BLK: variants seen among roughly 807,000 people sequenced by gnomAD.
BLK encodes the protein BLK proto-oncogene, Src family tyrosine kinase.
BLK carries 64 observed loss-of-function variants against 61.8 expected under a neutral mutation model. That is an observed-to-expected ratio of 1.03 (90% confidence interval 0.85 to 1.27). The LOEUF (loss-of-function observed/expected upper bound fraction) is 1.27. BLK is among the 50% of genes most tolerant of loss of function. The pLI is 0.00. For missense variants in BLK, 853 were observed against 660.5 expected (o/e 1.29, Z -3.19); for synonymous variants, 351 against 272.0 (o/e 1.29, Z -2.86).
intron 1 of BLK, among the ~76,000 whole-genome samples, chr8:11,517,074 C>T (rs1799259515): frequency 6.6e-6 from 1 of 152,140 alleles, no homozygotes; most frequent in African/African-American, 2.4e-5. Context: ...TGTGATGGGA[C>T]CTAACATTTT....
chr8:11,497,202 C>G lies in BLK; in HGVS notation c.-2+2611C>G, dbSNP rs575209837. Among the ~76,000 whole-genome samples the G allele has an allele frequency of 1.5e-4, 23 of 152,286 alleles. No individual in the cohort carries two copies. In the South Asian group the frequency reaches 4.6e-3, roughly 30 times the overall value. On this transcript the variant is annotated intron_variant, in intron 1 of 12. Coordinates refer to ENST00000259089, the MANE Select transcript of BLK (RefSeq NM_001715.3). ...AACATACTGAGATGGAAATCAATCA[C>G]AAAACTCTTACAGGAAAATCACAGC...
At chr8:11,551,519 G>A (rs898306843) in intron 6 of BLK, among the ~76,000 whole-genome samples, 1 of 152,174 alleles carries the variant, frequency 6.6e-6, no homozygotes, top group Non-Finnish European at 1.5e-5. Flanking sequence ...TCAGGACCGA[G>A]GGTTAGGACT....
rs150433754 is a variant in BLK, at chr8:11,557,466, C to G, written c.953-496C>G. Among the ~76,000 whole-genome samples, 388 of 152,332 alleles carry G rather than the reference C, an allele frequency of 2.5e-3. 2 individuals carry two copies. The highest frequency in any genetic ancestry group is 4.1e-3 in the Non-Finnish European group (282 of 68,024). On this transcript the variant is annotated intron_variant, in intron 9 of 12. Transcript: ENST00000259089. The stretch of plus-strand genomic sequence containing the variant: ...GCCTGCCCCTAGGGCAAGCATCCAT[C>G]CCTCCCAGCTTTCTGATTCCAGGGG...
chr8:11,499,262 C>A (rs1037054308), intron 1 of BLK, among the ~76,000 whole-genome samples: 2 of 152,190 alleles, frequency 1.3e-5, no homozygotes, highest in African/African-American at 2.4e-5. Context: ...TAGAAGCAAC[C>A]GGCTATGCCA....
rs1798820784 is a variant in BLK at position 11,507,473 on chromosome 8, A to G, written c.-2+12882A>G. Among the ~76,000 whole-genome samples the G allele has an allele frequency of 2.0e-5, 3 of 152,206 alleles. No individual in the cohort carries two copies. The South Asian group carries it at 6.2e-4, about 32-fold the overall frequency. On this transcript the variant is annotated intron_variant, in intron 1 of 12. Transcript: ENST00000259089. The stretch of plus-strand genomic sequence containing the variant: ...ATGACCACCCCAACTGCAGGGGAAG[A>G]CACCACCCACCCTGAGGGCTTTTGG...
At chr8:11,531,555 G>A (rs74317011) in intron 1 of BLK, among the ~76,000 whole-genome samples, 3,317 of 152,216 alleles carry the variant, frequency 0.022, 72 homozygotes, top group African/African-American at 0.052. Context: ...CGATTATAAT[G>A]TACCTTGGTG....
At chr8:11,514,742 A>C (rs1300144842) in intron 1 of BLK, among the ~76,000 whole-genome samples, 1 of 152,216 alleles carries the variant, frequency 6.6e-6, no homozygotes, top group African/African-American at 2.4e-5. Context: ...CTACAGGCTT[A>C]GGAGGGCTCC....
At chr8:11,542,172 T>C (rs1330535554) in intron 1 of BLK, among the ~76,000 whole-genome samples, 2 of 152,224 alleles carry the variant, frequency 1.3e-5, no homozygotes, top group African/African-American at 4.8e-5. Context: ...ATAGGAAGGC[T>C]AGCATTTAAT....
In BLK at chr8:11,521,089, A is replaced by G. The variant is rs192377319; in HGVS notation, c.-1-22135A>G. 8.6e-4 allele frequency among the ~76,000 whole-genome samples: 131 copies of G among 152,352 alleles called. 1 individual carries two copies. Among genetic ancestry groups the G allele is most frequent in the Admixed American group, 2.5e-3 (38 of 15,314 alleles). ...TTAATTTATGTGGTTCTATGCAGGA[A>G]AAGACAGAGTCCAGAAATAGGCCCA... On this transcript the variant is annotated intron_variant, in intron 1 of 12. Transcript: ENST00000259089.
chr8:11,529,953 A>C (rs1298926666), intron 1 of BLK, among the ~76,000 whole-genome samples: 1 of 152,230 alleles, frequency 6.6e-6, no homozygotes, highest in Non-Finnish European at 1.5e-5. Context: ...CATCAGCAGA[A>C]GCTCAAGAAC....
chr8:11,544,260 G>A (rs773126677), intron 2 of BLK, among the ~76,000 whole-genome samples: 1 of 152,092 alleles, frequency 6.6e-6, no homozygotes, highest in Non-Finnish European at 1.5e-5. Context: ...CATCCGTGCC[G>A]GGCCTGAAGA....
chr8:11,546,162 T>C, intron 3 of BLK, 59 bp downstream of exon 3: 6 of 1,591,940 alleles, frequency 3.8e-6, no homozygotes, highest in Middle Eastern at 1.7e-4. Context: ...GGTGGCAGCT[T>C]TGTGGAGTTG....
At chr8:11,525,651 A>T (rs1172171969) in intron 1 of BLK, among the ~76,000 whole-genome samples, 1 of 152,246 alleles carries the variant, frequency 6.6e-6, no homozygotes, top group Non-Finnish European at 1.5e-5. Context: ...TTAAACAGTC[A>T]GAAAAGGTAT....
intron 1 of BLK, among the ~76,000 whole-genome samples, chr8:11,521,478 G>A (rs1339735763): frequency 6.6e-6 from 1 of 152,116 alleles, no homozygotes; most frequent in African/African-American, 2.4e-5. Flanking sequence ...TTTTGTAGAG[G>A]TGAGGTCCCA....
intron 1 of BLK, among the ~76,000 whole-genome samples, chr8:11,522,816 C>T (rs1160729305): frequency 1.3e-5 from 2 of 151,982 alleles, no homozygotes; most frequent in Admixed American, 6.6e-5. Flanking sequence ...TACAGAGTAG[C>T]AATATATATT....
At chr8:11,532,136 G>C (rs996577607) in intron 1 of BLK, among the ~76,000 whole-genome samples, 1 of 151,760 alleles carries the variant, frequency 6.6e-6, no homozygotes, top group African/African-American at 2.4e-5. Flanking sequence ...TGGGATTACA[G>C]GCATGAGCCA....
At chr8:11,557,870 G>A (rs778135339) in intron 9 of BLK, 92 bp from the exon 10 acceptor site, 23 of 1,114,426 alleles carry the variant, frequency 2.1e-5, no homozygotes, top group African/African-American at 1.2e-4. Flanking sequence ...CACTTCCCGC[G>A]CCCATGGGGA....
At chr8:11,558,561 G>A (rs2117577646) in intron 10 of BLK, 1 of 440,132 alleles carries the variant, frequency 2.3e-6, no homozygotes, top group East Asian at 7.0e-5. Context: ...TCTGAGCCCT[G>A]GAGGACAGCC....
intron 1 of BLK, among the ~76,000 whole-genome samples, chr8:11,497,342 C>T (rs557932528): frequency 6.6e-6 from 1 of 152,148 alleles, no homozygotes; most frequent in Admixed American, 6.5e-5. Flanking sequence ...TGTTCCCTGG[C>T]GTGCTCCTGC....
Sources: allele counts gnomAD v4.1 joint callset (sites outside exome capture counted in the v4.1 genomes callset), GRCh38; gene constraint gnomAD v4.1.1; transcripts MANE v1.5; gene names NCBI Gene and HGNC (gene_info 2026-07-23, HGNC 2026-07-21).